AKAP9: variants seen among roughly 807,000 people sequenced by gnomAD.
AKAP9 encodes A-kinase anchoring protein 9.
In AKAP9, 311 loss-of-function variants were observed where a neutral mutation model predicts 488.5. That is an observed-to-expected ratio of 0.64 (90% CI 0.58 to 0.70). The LOEUF is 0.70. Ranked by LOEUF, AKAP9 falls within the 30% of genes least tolerant of loss-of-function variation. The pLI, the probability that AKAP9 is intolerant of heterozygous loss-of-function variation, is 0.00. For synonymous variants in AKAP9, 1,462 were observed against 1,483.5 expected, an observed-to-expected ratio of 0.99 and a Z score of 0.33; for missense variants, 4,215 against 4,374.5, an observed-to-expected ratio of 0.96 and a Z score of 1.03.
chr7:92,019,393 G>A lies in AKAP9; in HGVS notation c.3837+2291G>A, dbSNP rs974505448. 2.6e-5 allele frequency among the ~76,000 whole-genome samples: 4 copies of A among 151,812 alleles called. 1 individual carries two copies. Among genetic ancestry groups the A allele is most frequent in the Admixed American group, 6.6e-5 (1 of 15,250 alleles). ...TTGACCTTGTGATCCGCCCACCTTGGCCTCCCTAAGTGCTGGGATTACAGG... is the reference window on the plus strand; with the variant it reads ...TTGACCTTGTGATCCGCCCACCTTGACCTCCCTAAGTGCTGGGATTACAGG... On this transcript the variant is annotated intron_variant, in intron 12 of 49. Coordinates refer to ENST00000356239, the MANE Select transcript of AKAP9 (RefSeq NM_005751.5).
intron 14 of AKAP9, among the ~76,000 whole-genome samples, chr7:92,029,249 TAAAAC>T (rs1803828894): frequency 2.0e-5 from 3 of 151,758 alleles, no homozygotes; most frequent in African/African-American, 7.2e-5. Flanking sequence ...TACCAAAAGA[TAAAAC>T]AAAAAAGTCC....
chr7:91,968,219 C>T (rs1794652817), intron 1 of AKAP9, among the ~76,000 whole-genome samples: 1 of 152,218 alleles, frequency 6.6e-6, no homozygotes, highest in African/African-American at 2.4e-5. Flanking sequence ...GCTGAGATTA[C>T]AGGTGTGAGC....
Position 91,995,610 on chromosome 7 carries a change from C to G in AKAP9, c.740C>G (p.Ala247Gly). The part of the protein sequence containing the change: ...KLQIQFQQLQ[A>G]SETLRNSTHS... The stretch of plus-strand genomic sequence containing the variant: ...GTTTCTTTCTATTTTCAGTTACAGG[C>G]TAGTGAAACTCTGAGAAACAGCACT... The change falls in exon 7 of 50, where the codon GCT becomes GGT. Residue 247 changes from alanine (A) to glycine (G), a missense_variant. By Grantham distance (60) the Ala-to-Gly change is moderately conservative. This residue lies in a region of AKAP9 where 2,361 missense variants were observed against 2,430.0 expected (regional missense o/e 0.97). Coordinates refer to ENST00000356239, the MANE Select transcript of AKAP9 (RefSeq NM_005751.5). The G allele has an allele frequency of 6.2e-7, 1 of 1,613,898 alleles. No homozygotes were observed. The highest frequency in any genetic ancestry group is 8.5e-7 in the Non-Finnish European group (1 of 1,179,880).
intron 31 of AKAP9, among the ~76,000 whole-genome samples, chr7:92,081,418 C>T (rs1183445584): frequency 1.3e-5 from 2 of 150,042 alleles, no homozygotes; most frequent in African/African-American, 2.4e-5. Context: ...AATTCTCCTG[C>T]CTCGGCCTCC....
At chr7:91,992,661 CAAAAAAA>C (rs770870521) in intron 4 of AKAP9, among the ~76,000 whole-genome samples, 7 of 46,634 alleles carry the variant, frequency 1.5e-4, no homozygotes, top group South Asian at 1.6e-3. Flanking sequence ...AAGACTCTGT[CAAAAAAA>C]AAAAAAAAAA....
chr7:91,992,024 G>A, intron 3 of AKAP9, 134 bp from the exon 4 acceptor site: 1 of 730,144 alleles, frequency 1.4e-6, no homozygotes, highest in Non-Finnish European at 2.5e-6. Context: ...ATTAATCTCT[G>A]TATCTGTTTT....
intron 16 of AKAP9, 32 bp downstream of exon 16, chr7:92,031,636 TG>T (rs752752567): frequency 1.4e-6 from 2 of 1,474,050 alleles, no homozygotes; most frequent in Non-Finnish European, 1.9e-6. Flanking sequence ...AAGATTATCT[TG>T]GTTTATATTC....
At position 92,083,574 on chromosome 7, in the gene AKAP9, G is replaced by T; in HGVS notation, c.8565G>T (p.Arg2855Ser). The change falls in exon 33 of 50, where the codon AGG becomes AGT. Residue 2855 changes from arginine (R) to serine (S), a missense_variant. Around this residue, in one of 5 missense-constraint regions of AKAP9, gnomAD observed 1,476 missense variants for 1,477.4 expected, o/e 1.00. Coordinates refer to ENST00000356239, the MANE Select transcript of AKAP9 (RefSeq NM_005751.5). ...TTTCAGAAACTGAAACCTTAAAGAG[G>T]GAACACTATGTTGCCGTTCAGTTAC... ...RHISETETLK[R>S]EHYVAVQLLK... 6.2e-7 allele frequency: 1 copy of T among 1,601,806 alleles called. No homozygotes were observed. Among genetic ancestry groups the T allele is most frequent in the African/African-American group, 1.3e-5 (1 of 74,178 alleles).
rs146264747 is a variant in AKAP9, at chr7:92,102,787, G to A, written c.11291G>A (p.Arg3764Lys). 7.1e-5 allele frequency: 114 copies of A among 1,614,096 alleles called. No individual in the cohort carries two copies. The highest frequency in any genetic ancestry group is 9.1e-5 in the Non-Finnish European group (107 of 1,180,046). The change falls in exon 46 of 50, where the codon AGG becomes AAG. Residue 3764 changes from arginine to lysine, a missense_variant. Transcript: ENST00000356239. ...VITNRPKGFT[R>K]FRSAVRVSIA... ...ACCAATCGCCCAAAGGGCTTCACCA[G>A]GTTTCGGTCGGCCGTCAGAGTATCC...
chr7:91,985,734 G>T (rs534727460), intron 3 of AKAP9, among the ~76,000 whole-genome samples: 2 of 151,962 alleles, frequency 1.3e-5, no homozygotes, highest in African/African-American at 4.8e-5. Context: ...TGCAACCCTC[G>T]CCTGCCGGGT....
Position 92,003,028 on chromosome 7 carries a change from A to G in AKAP9, c.3111A>G (p.Lys1037=), listed in dbSNP as rs1044441698. The G allele has an allele frequency of 6.2e-7, 1 of 1,613,440 alleles. No individual in the cohort carries two copies. Among genetic ancestry groups the G allele is most frequent in the Non-Finnish European group, 8.5e-7 (1 of 1,179,600 alleles). Residue 1037 remains lysine (K), a synonymous_variant, in exon 8 of 50, where the codon AAA becomes AAG. Transcript: ENST00000356239. ...TSRGAEGSVS[K]VNKSFGEESK... is the part of the protein sequence containing the mutation. ...GGGGTGCTGAAGGATCAGTTTCTAA[A>G]GTAAATAAAAGTTTTGGTGAAGAAT...
At chr7:92,005,136 G>A (rs1299529238) in intron 8 of AKAP9, among the ~76,000 whole-genome samples, 1 of 152,200 alleles carries the variant, frequency 6.6e-6, no homozygotes. Context: ...ATTTGCGTAT[G>A]TTGAACCAGC....
intron 21 of AKAP9, among the ~76,000 whole-genome samples, chr7:92,048,212 C>T (rs1807333988): frequency 6.6e-6 from 1 of 152,176 alleles, no homozygotes; most frequent in East Asian, 1.9e-4. Flanking sequence ...AGTCTAATTG[C>T]GAAGCAACTT....
At chr7:92,084,492 T>TAA (rs370384333) in intron 33 of AKAP9, 148 bp from the exon 34 acceptor site, 167 of 502,448 alleles carry the variant, frequency 3.3e-4, no homozygotes, top group Middle Eastern at 5.7e-4. Flanking sequence ...ACAGACTTGT[T>TAA]AAAAAAAAAA....
intron 24 of AKAP9, among the ~76,000 whole-genome samples, chr7:92,062,806 T>C (rs1265340690): frequency 6.6e-6 from 1 of 152,166 alleles, no homozygotes; most frequent in Non-Finnish European, 1.5e-5. Context: ...TTAGTTCTAA[T>C]AGCAGAGAGG....
chr7:92,049,972 A>G (rs1584320229), intron 21 of AKAP9, among the ~76,000 whole-genome samples: 1 of 152,172 alleles, frequency 6.6e-6, no homozygotes, highest in African/African-American at 2.4e-5. Context: ...CTATAGCCCA[A>G]AACATTAGAC....
At chr7:91,955,420 A>G (rs1792858808) in intron 1 of AKAP9, among the ~76,000 whole-genome samples, 1 of 152,098 alleles carries the variant, frequency 6.6e-6, no homozygotes, top group Non-Finnish European at 1.5e-5. Flanking sequence ...CCAACCCCTC[A>G]CCACTTGAGG....
intron 1 of AKAP9, 106 bp downstream of exon 1, chr7:91,941,253 G>C: frequency 9.0e-7 from 1 of 1,114,122 alleles, no homozygotes; most frequent in South Asian, 1.3e-5. Flanking sequence ...TGCACTGCCC[G>C]AGAGGGAGGT....
At chr7:92,011,841 C>T (rs967119472) in intron 8 of AKAP9, among the ~76,000 whole-genome samples, 8 of 152,120 alleles carry the variant, frequency 5.3e-5, no homozygotes, top group African/African-American at 1.7e-4. Flanking sequence ...AGGCAGGGTG[C>T]GGTGGCTCAT....
Sources: allele counts gnomAD v4.1 joint callset (sites outside exome capture counted in the v4.1 genomes callset), GRCh38; gene constraint gnomAD v4.1.1; regional missense constraint gnomAD v4.1.1; transcripts MANE v1.5; gene names NCBI Gene and HGNC (gene_info 2026-07-23, HGNC 2026-07-21).